CHLSN: variants seen among roughly 807,000 people sequenced by gnomAD.
CHLSN encodes protein cholesin.
the CHLSN span, among the ~76,000 whole-genome samples, chr7:1,126,418 C>T: frequency 5.4e-5 from 8 of 149,476 alleles, no homozygotes; most frequent in African/African-American, 1.7e-4. Flanking sequence ...GTGGCTCACA[C>T]CTGTAATTCC....
At chr7:981,318 A>C in the CHLSN span, among the ~76,000 whole-genome samples, 1 of 151,356 alleles carries the variant, frequency 6.6e-6, no homozygotes, top group Non-Finnish European at 1.5e-5. Context: ...AAAAGAAAAG[A>C]AAAGAAAAAG....
At chr7:1,092,238 C>T in the CHLSN span, 9 of 1,612,678 alleles carry the variant, frequency 5.6e-6, no homozygotes, top group Non-Finnish European at 7.6e-6. Context: ...TGTTCCGCAC[C>T]AAGCACCACG....
At chr7:1,022,006 A>G in the CHLSN span, among the ~76,000 whole-genome samples, 1 of 152,172 alleles carries the variant, frequency 6.6e-6, no homozygotes, top group Admixed American at 6.5e-5. Flanking sequence ...CCCAGGTGAC[A>G]GCGATGACGG....
the CHLSN span, among the ~76,000 whole-genome samples, chr7:1,019,119 G>A: frequency 3.3e-5 from 5 of 150,478 alleles, no homozygotes; most frequent in East Asian, 2.0e-4. Flanking sequence ...TTGAACCCGC[G>A]GGGGGCAGAG....
At chr7:1,128,623 C>G in the CHLSN span, among the ~76,000 whole-genome samples, 13 of 9,270 alleles carry the variant, frequency 1.4e-3, no homozygotes, top group Non-Finnish European at 1.9e-3. Context: ...GCAGTGGCGC[C>G]ATCTCGGCTC....
chr7:1,030,346 T>G, the CHLSN span, among the ~76,000 whole-genome samples: 1 of 152,214 alleles, frequency 6.6e-6, no homozygotes, highest in Non-Finnish European at 1.5e-5. Context: ...CTCCCCGTAG[T>G]TCTGTGCTGG....
the CHLSN span, among the ~76,000 whole-genome samples, chr7:1,019,193 CAAA>C: frequency 1.1e-4 from 4 of 35,010 alleles, no homozygotes; most frequent in Non-Finnish European, 1.8e-4. Flanking sequence ...GACTCTGTCT[CAAA>C]AAAAAAAAAA....
chr7:1,114,765 C>T, the CHLSN span, among the ~76,000 whole-genome samples: 4 of 152,260 alleles, frequency 2.6e-5, no homozygotes, highest in African/African-American at 9.6e-5. Flanking sequence ...GGCTCAGAAA[C>T]GAGGGTGGCC....
the CHLSN span, among the ~76,000 whole-genome samples, chr7:1,114,180 G>T: frequency 6.6e-6 from 1 of 152,202 alleles, no homozygotes. Flanking sequence ...AGGCCAGACT[G>T]TGCGGCCACT....
the CHLSN span, among the ~76,000 whole-genome samples, chr7:1,042,616 G>A: frequency 2.0e-5 from 3 of 152,214 alleles, no homozygotes; most frequent in Non-Finnish European, 4.4e-5. Flanking sequence ...CTTGGCACAG[G>A]AAGTCTCTGC....
the CHLSN span, chr7:1,058,732 G>C: frequency 1.9e-5 from 11 of 582,248 alleles, no homozygotes; most frequent in Non-Finnish European, 3.1e-5. Flanking sequence ...CCCGAGGCCT[G>C]TGCGTCTCCC....
At chr7:1,017,882 G>A in the CHLSN span, among the ~76,000 whole-genome samples, 1 of 152,236 alleles carries the variant, frequency 6.6e-6, no homozygotes, top group African/African-American at 2.4e-5. Flanking sequence ...GTGGGATGGC[G>A]CCTCGCCTTT....
chr7:1,016,857 ACACAGCACACAGCAGCG>A, the CHLSN span, among the ~76,000 whole-genome samples: 1 of 75,112 alleles, frequency 1.3e-5, no homozygotes, highest in African/African-American at 6.0e-5. Context: ...ACACAGCAGC[ACACAGCACACAGCAGCG>A]CACAGCAGCA....
At chr7:1,088,829 C>T in the CHLSN span, among the ~76,000 whole-genome samples, 1 of 152,132 alleles carries the variant, frequency 6.6e-6, no homozygotes, top group South Asian at 2.1e-4. The surrounding 1 kb of genome is among the most constrained non-coding windows in gnomAD (Gnocchi z 4.5). Context: ...CCAGTGAGGA[C>T]GTGGGGCCAG....
chr7:1,037,401 C>T, the CHLSN span, among the ~76,000 whole-genome samples: 5 of 128,498 alleles, frequency 3.9e-5, no homozygotes, highest in African/African-American at 1.2e-4. Context: ...ATTGCAGGTG[C>T]GCGCCGCCAC....
At chr7:1,036,814 G>C in the CHLSN span, among the ~76,000 whole-genome samples, 7 of 148,422 alleles carry the variant, frequency 4.7e-5, no homozygotes, top group Non-Finnish European at 1.1e-4. Context: ...TAGGAGCTCT[G>C]CTCAAAGCCA....
the CHLSN span, among the ~76,000 whole-genome samples, chr7:1,029,413 A>C: frequency 6.6e-6 from 1 of 152,098 alleles, no homozygotes; most frequent in East Asian, 1.9e-4. Flanking sequence ...CAGGTGCGCC[A>C]CCATGCCCAG....
chr7:983,119 G>C, the CHLSN span: 1 of 1,128,048 alleles, frequency 8.9e-7, no homozygotes, highest in Non-Finnish European at 1.2e-6. Context: ...GGTGGGGTGG[G>C]TGGGGTGCGG....
the CHLSN span, among the ~76,000 whole-genome samples, chr7:1,115,379 G>T: frequency 6.6e-6 from 1 of 152,206 alleles, no homozygotes; most frequent in Non-Finnish European, 1.5e-5. Context: ...GGGCGCCAGG[G>T]GATGTTTGCT....
Sources: gnomAD v4.1 joint callset for allele counts (sites outside exome capture counted in the v4.1 genomes callset) on GRCh38, gnomAD v4.1.1 for gene constraint, Gnocchi (gnomAD v3.1) non-coding constraint, MANE v1.5 for transcripts, NCBI Gene and HGNC (gene_info 2026-07-23, HGNC 2026-07-21) for gene names.